Variants in KLF13 observed in about 807,000 individuals in gnomAD.
KLF13 encodes the protein Krueppel-like factor 13.
In KLF13, 8 loss-of-function variants were observed where a neutral mutation model predicts 16.7. That is an observed-to-expected ratio of 0.48 (90% CI 0.28 to 0.87). The LOEUF (loss-of-function observed/expected upper bound fraction) is 0.87, where lower values mean the gene tolerates loss of function less well. KLF13 is among the 40% of genes least tolerant of loss of function. The pLI is 0.10. For missense variants in KLF13, 447 were observed against 452.2 expected (o/e 0.99, Z 0.10); for synonymous variants, 245 against 208.4 (o/e 1.18, Z -1.51).
chr15:31,327,347 G>T lies in KLF13; in HGVS notation c.135G>T (p.Thr45=). 1.6e-6 allele frequency: 2 copies of T among 1,277,460 alleles called. No homozygotes were observed. Among genetic ancestry groups the T allele is most frequent in the Non-Finnish European group, 2.0e-6 (2 of 1,014,726 alleles). 79.1% of individuals were successfully genotyped at this position (1,277,460 alleles called of 1,614,324 possible). A position where few individuals can be genotyped will look rare whatever the true frequency, so the allele number is the denominator to read the frequency against. ...PEGAAVAATP[T]LPRVEERRDG... ...GCGCGGCCGTGGCCGCCACCCCCAC[G>T]CTGCCCCGCGTCGAGGAGCGCCGCG... Residue 45 remains threonine, a synonymous_variant, in exon 1 of 2, where the codon ACG becomes ACT. Transcript: ENST00000307145.
downstream of KLF13, among the ~76,000 whole-genome samples, chr15:31,380,007 A>G (rs1485184216): frequency 6.6e-6 from 1 of 152,208 alleles, no homozygotes; most frequent in Non-Finnish European, 1.5e-5. Flanking sequence ...CCTCTAAAGA[A>G]GGACTTCTGG....
At chr15:31,358,711 G>C (rs192720469) in intron 1 of KLF13, among the ~76,000 whole-genome samples, 3 of 152,342 alleles carry the variant, frequency 2.0e-5, no homozygotes, top group Admixed American at 2.0e-4. Flanking sequence ...CTCTGTAATT[G>C]TGGATTCCAA....
At chr15:31,418,963 A>G (rs972664741) in intron 1 of KLF13, among the ~76,000 whole-genome samples, 1 of 152,210 alleles carries the variant, frequency 6.6e-6, no homozygotes, top group Non-Finnish European at 1.5e-5. Context: ...ATACATATAT[A>G]CAAACATAAA....
chr15:31,404,981 C>T (rs1034254302), downstream of KLF13, among the ~76,000 whole-genome samples: 3 of 152,144 alleles, frequency 2.0e-5, no homozygotes, highest in Admixed American at 6.5e-5. Context: ...AAAGAGGCTA[C>T]GAGTACTGTT....
chr15:31,340,157 C>T (rs964648627), intron 1 of KLF13, among the ~76,000 whole-genome samples: 2 of 152,250 alleles, frequency 1.3e-5, no homozygotes, highest in African/African-American at 2.4e-5. Context: ...ACGACTGAGG[C>T]AGGCTGAGGA....
downstream of KLF13, among the ~76,000 whole-genome samples, chr15:31,378,936 T>C (rs2039690664): frequency 6.6e-6 from 1 of 152,152 alleles, no homozygotes; most frequent in African/African-American, 2.4e-5. Context: ...GCCAGGCTGG[T>C]CTCAAACCCT....
intron 1 of KLF13, among the ~76,000 whole-genome samples, chr15:31,357,992 T>C (rs1412972339): frequency 3.9e-5 from 6 of 152,084 alleles, no homozygotes. Flanking sequence ...GGAAGGGTGG[T>C]GGGTGCCTGT....
chr15:31,396,350 G>T (rs1365672261), intron 2 of KLF13, among the ~76,000 whole-genome samples: 1 of 149,664 alleles, frequency 6.7e-6, no homozygotes, highest in African/African-American at 2.5e-5. Context: ...GTAGAGACAG[G>T]GTTTCACCAT....
chr15:31,340,773 G>A (rs1450805655), intron 1 of KLF13, among the ~76,000 whole-genome samples: 1 of 152,126 alleles, frequency 6.6e-6, no homozygotes, highest in African/African-American at 2.4e-5. Context: ...GAGCCTGCAG[G>A]CAGGAGGATC....
intron 1 of KLF13, among the ~76,000 whole-genome samples, chr15:31,431,646 A>G (rs1402116462): frequency 6.6e-6 from 1 of 152,106 alleles, no homozygotes; most frequent in Non-Finnish European, 1.5e-5. Flanking sequence ...TTGTATTTTT[A>G]GTAGAGATGG....
Position 31,432,379 on chromosome 15 carries a change from TTCCC to T in KLF13, n.118-2973_118-2970del, listed in dbSNP as rs549120132. Among the ~76,000 whole-genome samples the T allele has an allele frequency of 8.1e-3, 1,227 of 151,038 alleles. 19 individuals carry two copies. The highest frequency in any genetic ancestry group is 0.022 in the African/African-American group (913 of 41,176). On this transcript the variant is annotated intron_variant and non_coding_transcript_variant, in intron 1 of 1. Transcript: ENST00000558225. ...CTGGTCATTTTCTTTCTCTGTCTCC[TTCCC>T]TCCCTCCCTCCCTCCCTTTTCTTGA...
downstream of KLF13, among the ~76,000 whole-genome samples, chr15:31,379,020 T>G (rs1015004923): frequency 3.9e-5 from 6 of 152,192 alleles, no homozygotes; most frequent in Non-Finnish European, 8.8e-5. Flanking sequence ...ATACCAGGCC[T>G]GTGATTACCT....
intron 1 of KLF13, among the ~76,000 whole-genome samples, chr15:31,361,103 T>A (rs2039376616): frequency 6.6e-6 from 1 of 152,128 alleles, no homozygotes; most frequent in Admixed American, 6.5e-5. Context: ...CAGGCCCACA[T>A]GCCCCCAGCC....
intron 1 of KLF13, among the ~76,000 whole-genome samples, chr15:31,368,634 A>G (rs555121364): frequency 6.6e-6 from 1 of 152,266 alleles, no homozygotes; most frequent in East Asian, 1.9e-4. Context: ...AAGACAGATC[A>G]CTTGAGGTCA....
At chr15:31,357,223 C>T (rs1162885743) in intron 1 of KLF13, among the ~76,000 whole-genome samples, 1 of 152,208 alleles carries the variant, frequency 6.6e-6, no homozygotes, top group Non-Finnish European at 1.5e-5. Context: ...ACATGCGGTT[C>T]TTGTTTCCGC....
chr15:31,350,791 A>G (rs2039203902), intron 1 of KLF13, among the ~76,000 whole-genome samples: 3 of 152,168 alleles, frequency 2.0e-5, no homozygotes, highest in Non-Finnish European at 2.9e-5. Context: ...GCCAGTGGAG[A>G]AGGTGAGGCT....
intron 1 of KLF13, among the ~76,000 whole-genome samples, chr15:31,345,001 T>C (rs2039089011): frequency 6.6e-6 from 1 of 151,900 alleles, no homozygotes; most frequent in Non-Finnish European, 1.5e-5. Context: ...GCTGTTGCAG[T>C]TTGGGGCAGG....
chr15:31,432,494 G>T (rs2040485987), intron 1 of KLF13, among the ~76,000 whole-genome samples: 1 of 148,286 alleles, frequency 6.7e-6, no homozygotes, highest in Admixed American at 6.8e-5. Context: ...CGTTGCCCAG[G>T]CTGGAGTGCA....
At chr15:31,405,468 G>C (rs2040114609), downstream of KLF13, among the ~76,000 whole-genome samples, 1 of 152,242 alleles carries the variant, frequency 6.6e-6, no homozygotes, top group African/African-American at 2.4e-5. Context: ...AGACTTTCCA[G>C]TTTCTGGAAC....
Sources: allele counts gnomAD v4.1 joint callset (sites outside exome capture counted in the v4.1 genomes callset), GRCh38; gene constraint gnomAD v4.1.1; transcripts MANE v1.5; gene names NCBI Gene and HGNC (gene_info 2026-07-23, HGNC 2026-07-21).